The following SLC37A3 variants were observed in gnomAD, a reference collection of about 807,000 sequenced individuals.
SLC37A3 encodes solute carrier family 37 member 3.
SLC37A3 carries 51 observed loss-of-function variants against 67.1 expected under a neutral mutation model. The ratio of observed to expected loss-of-function variants is 0.76; its 90% CI spans 0.61 to 0.96. The LOEUF is 0.96. Ranked by LOEUF, SLC37A3 falls within the 40% of genes least tolerant of loss-of-function variation. SLC37A3 has a pLI of 0.00. For missense variants in SLC37A3, 508 were observed against 603.0 expected, an observed-to-expected ratio of 0.84 and a Z score of 1.65; for synonymous variants, 214 against 231.4, an observed-to-expected ratio of 0.92 and a Z score of 0.68.
intron 3 of SLC37A3, 66 bp from the exon 4 acceptor site, chr7:140,369,748 G>A (rs750285545): frequency 1.3e-4 from 173 of 1,338,642 alleles, no homozygotes; most frequent in Non-Finnish European, 1.8e-4. Flanking sequence ...GTTTCCCAAA[G>A]CCCCTTCACA....
rs1796082259 is a variant in SLC37A3 at position 140,335,166 on chromosome 7, A to G, written c.*246T>C. On this transcript the variant is annotated 3_prime_UTR_variant, in exon 15 of 15. Coordinates refer to ENST00000326232, the MANE Select transcript of SLC37A3 (RefSeq NM_207113.3). Reference sequence around the variant, plus strand: ...AGAGTCAGAGGTCAAAGATGCTGGCAGAGTCAGAAGTCACTCGGCACATTC... The same window carrying G: ...AGAGTCAGAGGTCAAAGATGCTGGCGGAGTCAGAAGTCACTCGGCACATTC... The G allele has an allele frequency of 1.3e-6, 2 of 1,498,950 alleles. No individual in the cohort carries two copies. Among genetic ancestry groups the G allele is most frequent in the Non-Finnish European group, 1.8e-6 (2 of 1,101,264 alleles). The allele number at this position is 1,498,950 out of a possible 1,614,324, so 92.9% of individuals were successfully genotyped here.
intron 13 of SLC37A3, among the ~76,000 whole-genome samples, chr7:140,341,998 C>T (rs987489106): frequency 3.9e-5 from 6 of 152,034 alleles, no homozygotes; most frequent in Non-Finnish European, 8.8e-5. Context: ...GCCCTTTAGT[C>T]TTATAATCAA....
intron 9 of SLC37A3, among the ~76,000 whole-genome samples, chr7:140,350,973 C>A (rs1261603782): frequency 1.3e-5 from 2 of 152,184 alleles, no homozygotes; most frequent in African/African-American, 4.8e-5. Flanking sequence ...CCACGTCTAA[C>A]TGTCCCATGT....
At chr7:140,354,595 T>C (rs12703782) in intron 7 of SLC37A3, among the ~76,000 whole-genome samples, 62,913 of 151,950 alleles carry the variant, frequency 0.41, 13,353 homozygotes, top group Non-Finnish European at 0.46. Flanking sequence ...GTGAGTAGAA[T>C]ATTTTACATA....
At chr7:140,346,769 C>T (rs1796576921) in intron 10 of SLC37A3, among the ~76,000 whole-genome samples, 1 of 151,846 alleles carries the variant, frequency 6.6e-6, no homozygotes, top group Non-Finnish European at 1.5e-5. Flanking sequence ...TAGCACGTGC[C>T]TATATTCCCA....
intron 3 of SLC37A3, among the ~76,000 whole-genome samples, chr7:140,372,128 G>A (rs1797846315): frequency 1.3e-5 from 2 of 152,226 alleles, no homozygotes; most frequent in South Asian, 4.1e-4. Flanking sequence ...GGGATTACAG[G>A]TGTGAGCCAC....
At chr7:140,353,230 C>T (rs1395704043) in intron 7 of SLC37A3, among the ~76,000 whole-genome samples, 2 of 152,014 alleles carry the variant, frequency 1.3e-5, no homozygotes, top group African/African-American at 2.4e-5. Context: ...TACCTATAAT[C>T]CCAGCACTTT....
chr7:140,386,739 G>C (rs1798468295), intron 1 of SLC37A3: 1 of 152,088 alleles, frequency 6.6e-6, no homozygotes, highest in South Asian at 2.1e-4. Context: ...ACTGTAGCTT[G>C]TCATTTAGTA....
At chr7:140,375,474 CAAAA>C (rs11292852) in intron 3 of SLC37A3, among the ~76,000 whole-genome samples, 1 of 139,888 alleles carries the variant, frequency 7.1e-6, no homozygotes. Context: ...GACTCCGTCT[CAAAA>C]AAAAAAAAAA....
intron 5 of SLC37A3, among the ~76,000 whole-genome samples, chr7:140,362,300 A>G (rs1797349251): frequency 8.3e-6 from 1 of 120,656 alleles, no homozygotes. Flanking sequence ...GAAGTGAGGA[A>G]ACCCTCTGCC....
At chr7:140,364,368 T>C (rs935039105) in intron 5 of SLC37A3, 40 bp downstream of exon 5, 10 of 1,569,676 alleles carry the variant, frequency 6.4e-6, no homozygotes, top group Admixed American at 5.2e-5. Context: ...GATTCTAAAA[T>C]ACCTGACCAA....
intron 5 of SLC37A3, among the ~76,000 whole-genome samples, chr7:140,363,753 AAAAAAAAAAAAAG>A (rs1797479844): frequency 2.2e-5 from 3 of 135,570 alleles, no homozygotes; most frequent in East Asian, 2.2e-4. Context: ...AAAAAAAAAA[AAAAAAAAAAAAAG>A]AAAGGAGCGG....
rs760062710 is a variant in SLC37A3, at chr7:140,348,799, G to A, written c.883-32C>T. ...GAAAAGCATTCAACTATCAGCGAGGGACAAATAGCACAGCACGACTACCAT... is the reference window on the plus strand; with the variant it reads ...GAAAAGCATTCAACTATCAGCGAGGAACAAATAGCACAGCACGACTACCAT... On this transcript the variant is annotated intron_variant, in intron 9 of 14. Coordinates refer to ENST00000326232, the MANE Select transcript of SLC37A3 (RefSeq NM_207113.3). 16 of 1,608,330 alleles carry A rather than the reference G, an allele frequency of 9.9e-6. No individual in the cohort carries two copies. In the Admixed American group the frequency reaches 1.5e-4, roughly 15 times the overall value.
chr7:140,346,041 T>C, intron 10 of SLC37A3, 71 bp from the exon 11 acceptor site: 1 of 1,124,856 alleles, frequency 8.9e-7, no homozygotes, highest in Non-Finnish European at 1.4e-6. Context: ...TGCTCCCCAT[T>C]TGCCCTCTAG....
chr7:140,384,567 A>C (rs1798376526), intron 1 of SLC37A3, among the ~76,000 whole-genome samples: 1 of 150,670 alleles, frequency 6.6e-6, no homozygotes, highest in Non-Finnish European at 1.5e-5. Context: ...AAAAAAAAAA[A>C]CAACAGCCAA....
At chr7:140,341,451 A>G (rs1442089176) in intron 13 of SLC37A3, among the ~76,000 whole-genome samples, 1 of 152,164 alleles carries the variant, frequency 6.6e-6, no homozygotes, top group African/African-American at 2.4e-5. Context: ...AACCTGAAGA[A>G]GAAACAATTC....
rs1298305505 is a variant in SLC37A3 at position 140,345,865 on chromosome 7, T to C, written c.1126+4A>G. The stretch of plus-strand genomic sequence containing the variant: ...GGAATTAGTAATTGCAAAAGAATAC[T>C]CACGACTATACCCGATGAGGGACCC... On this transcript the variant is annotated splice_donor_region_variant and intron_variant, in intron 11 of 14. Transcript: ENST00000326232. 6.2e-7 allele frequency: 1 copy of C among 1,608,252 alleles called. No homozygotes were observed. Among genetic ancestry groups the C allele is most frequent in the African/African-American group, 1.3e-5 (1 of 74,762 alleles).
intron 10 of SLC37A3, among the ~76,000 whole-genome samples, chr7:140,346,469 TG>T (rs1796566520): frequency 6.6e-6 from 1 of 152,128 alleles, no homozygotes; most frequent in Non-Finnish European, 1.5e-5. Flanking sequence ...TGATGACCAG[TG>T]GGGACAGGAG....
At chr7:140,358,512 ACT>A (rs1177965736) in intron 6 of SLC37A3, 126 bp downstream of exon 6, 3 of 1,312,100 alleles carry the variant, frequency 2.3e-6, no homozygotes, top group Non-Finnish European at 3.2e-6. Context: ...TCCCTGAACA[ACT>A]CTGACTTGCT....
Sources: allele counts gnomAD v4.1 joint callset (sites outside exome capture counted in the v4.1 genomes callset), GRCh38; gene constraint gnomAD v4.1.1; transcripts MANE v1.5; gene names NCBI Gene and HGNC (gene_info 2026-07-23, HGNC 2026-07-21).